The following ECE1 variants were observed in gnomAD, a reference collection of about 807,000 sequenced individuals.
The protein encoded by ECE1 is endothelin converting enzyme 1.
Under a neutral mutation model 98.6 loss-of-function variants are expected in ECE1, and 35 were observed. The observed-to-expected ratio is 0.35, with a 90% CI of 0.27 to 0.47. The LOEUF (loss-of-function observed/expected upper bound fraction) is 0.47. Among genes scored for constraint, ECE1 ranks in the 20% least tolerant of loss-of-function variants. The probability of loss-of-function intolerance (pLI) is 1.00; values close to 1 mark genes in which losing one functional copy is unlikely to be tolerated. For missense variants in ECE1, 814 were observed against 1,025.3 expected, an observed-to-expected ratio of 0.79 and a Z score of 2.81; for synonymous variants, 394 against 407.1, an observed-to-expected ratio of 0.97 and a Z score of 0.39.
intron 1 of ECE1, among the ~76,000 whole-genome samples, chr1:21,337,761 G>A (rs1044002768): frequency 6.6e-6 from 1 of 152,126 alleles, no homozygotes; most frequent in African/African-American, 2.4e-5. Context: ...TTAGAGACAG[G>A]AGAATAAAGC....
intron 1 of ECE1, among the ~76,000 whole-genome samples, chr1:21,332,206 G>A (rs917264895): frequency 6.6e-6 from 1 of 152,082 alleles, no homozygotes; most frequent in Non-Finnish European, 1.5e-5. Context: ...CTGCTTCACT[G>A]GGAAGGCAAC....
chr1:21,286,182 T>C (rs573043642), intron 2 of ECE1, among the ~76,000 whole-genome samples: 2 of 152,334 alleles, frequency 1.3e-5, no homozygotes, highest in East Asian at 3.9e-4. Context: ...CAGTTCAGGC[T>C]GCAGGTGTAA....
At chr1:21,230,144 G>A (rs2103223803) in intron 14 of ECE1, among the ~76,000 whole-genome samples, 1 of 152,220 alleles carries the variant, frequency 6.6e-6, no homozygotes, top group African/African-American at 2.4e-5. Context: ...TGAGGCTGCA[G>A]TGAGCTGAGA....
intron 1 of ECE1, chr1:21,298,559 A>G (rs1638419387): frequency 2.8e-6 from 1 of 357,476 alleles, no homozygotes; most frequent in Non-Finnish European, 5.6e-6. Flanking sequence ...GCCTCAGCCC[A>G]GTGCCTAGCA....
intron 4 of ECE1, among the ~76,000 whole-genome samples, chr1:21,262,230 G>A (rs1004436217): frequency 2.0e-5 from 3 of 152,136 alleles, no homozygotes; most frequent in African/African-American, 7.2e-5. Flanking sequence ...GGCTATGGAG[G>A]GTTCGTACAG....
intron 11 of ECE1, 85 bp downstream of exon 11, chr1:21,238,049 G>A: frequency 7.9e-7 from 1 of 1,261,526 alleles, no homozygotes; most frequent in South Asian, 1.2e-5. Context: ...AAAGGCCCAG[G>A]GTGGGCTGGA....
intron 4 of ECE1, among the ~76,000 whole-genome samples, chr1:21,268,704 G>A (rs556431422): frequency 4.4e-4 from 67 of 152,274 alleles, no homozygotes; most frequent in African/African-American, 1.5e-3. Flanking sequence ...GCTTGTTCCC[G>A]TGCCCATCAG....
chr1:21,308,288 C>T (rs959056751), intron 1 of ECE1, among the ~76,000 whole-genome samples: 10 of 152,208 alleles, frequency 6.6e-5, no homozygotes, highest in African/African-American at 2.4e-4. Flanking sequence ...CTCATACACC[C>T]TGCTAGGGCC....
At chr1:21,342,892 TCAA>T (rs1488271839) in intron 1 of ECE1, among the ~76,000 whole-genome samples, 1 of 152,132 alleles carries the variant, frequency 6.6e-6, no homozygotes, top group Non-Finnish European at 1.5e-5. Context: ...GCACCGCCGG[TCAA>T]CAATCCACCG....
rs575925578 is a variant in ECE1 at position 21,290,097 on chromosome 1, C to A, written c.111G>T (p.Glu37Asp). The A allele has an allele frequency of 1.3e-6, 2 of 1,549,774 alleles. No individual in the cohort carries two copies. The highest frequency in any genetic ancestry group is 1.7e-6 in the Non-Finnish European group (2 of 1,148,720). The change falls in exon 2 of 19, where the codon GAG (glutamate) becomes GAT (aspartate). Residue 37 changes from glutamate to aspartate, a missense_variant. Coordinates refer to ENST00000374893, the MANE Select transcript of ECE1 (RefSeq NM_001397.3). This position sits in a 1 kb window ranked among gnomAD's most constrained non-coding sequence, Gnocchi z 7.3. ...GCAGGCCGTTGGGGTATGCGTCGCC[C>A]TCGGAGAGCGAGTCCACCAGGTCCT... ...DEEDLVDSLS[E>D]GDAYPNGLQV...
At chr1:21,315,094 A>T (rs572554641) in intron 1 of ECE1, among the ~76,000 whole-genome samples, 3 of 152,342 alleles carry the variant, frequency 2.0e-5, no homozygotes, top group Admixed American at 1.3e-4. Context: ...TAAGACTGTC[A>T]CACTCATTAA....
intron 1 of ECE1, among the ~76,000 whole-genome samples, chr1:21,325,222 C>T (rs923851748): frequency 2.0e-5 from 3 of 152,178 alleles, no homozygotes; most frequent in Admixed American, 6.5e-5. Context: ...AACCTGGTAC[C>T]TGATGGCTTG....
intron 1 of ECE1, among the ~76,000 whole-genome samples, chr1:21,337,663 G>A (rs985429480): frequency 1.3e-5 from 2 of 152,230 alleles, no homozygotes; most frequent in African/African-American, 4.8e-5. Context: ...TCCTCTGTAT[G>A]TGCCAGCCCT....
chr1:21,228,130 A>AT (rs2098176875), intron 14 of ECE1, 89 bp from the exon 15 acceptor site: 1 of 1,021,964 alleles, frequency 9.8e-7, no homozygotes, highest in South Asian at 1.5e-5. Context: ...GGGATCGGGA[A>AT]TAAGGGCATT....
chr1:21,225,107 C>A lies in ECE1; in HGVS notation c.2040+143G>T. The stretch of plus-strand genomic sequence containing the variant: ...CGGTCGGCATCGCGATTGGTCCTCG[C>A]CACCCCCAATTTCGCAGAAGAGGAA... On this transcript the variant is annotated intron_variant, in intron 17 of 18. Coordinates refer to ENST00000374893, the MANE Select transcript of ECE1 (RefSeq NM_001397.3). The surrounding 1 kb of genome is among the most constrained non-coding windows in gnomAD (Gnocchi z 5.3). 2 of 1,132,188 alleles carry A rather than the reference C, an allele frequency of 1.8e-6. No homozygotes were observed. The highest frequency in any genetic ancestry group is 2.5e-6 in the Non-Finnish European group (2 of 797,252). The allele number at this position is 1,132,188 out of a possible 1,614,324, so 70.1% of individuals were successfully genotyped here.
intron 1 of ECE1, among the ~76,000 whole-genome samples, chr1:21,338,168 G>T (rs1298155937): frequency 6.6e-6 from 1 of 152,174 alleles, no homozygotes. Flanking sequence ...CTGGGGGTGT[G>T]TGTGGTATTG....
chr1:21,245,376 GCT>G (rs918147796), intron 9 of ECE1, among the ~76,000 whole-genome samples: 5 of 152,018 alleles, frequency 3.3e-5, no homozygotes, highest in African/African-American at 9.7e-5. Context: ...TTGCCTAGCT[GCT>G]CTGTGTCTGG....
intron 4 of ECE1, among the ~76,000 whole-genome samples, chr1:21,269,895 C>T (rs1331900488): frequency 2.6e-5 from 4 of 152,194 alleles, no homozygotes; most frequent in African/African-American, 9.7e-5. Context: ...GCCTCGGGGT[C>T]AGGGTTGAAT....
At chr1:21,289,810 C>T (rs1423595551) in intron 2 of ECE1, among the ~76,000 whole-genome samples, 1 of 152,092 alleles carries the variant, frequency 6.6e-6, no homozygotes, top group African/African-American at 2.4e-5. Flanking sequence ...ACTCTGCCAC[C>T]TGGGCTGTGG....
Sources: allele counts gnomAD v4.1 joint callset (sites outside exome capture counted in the v4.1 genomes callset), GRCh38; gene constraint gnomAD v4.1.1; non-coding constraint Gnocchi (gnomAD v3.1); transcripts MANE v1.5; gene names NCBI Gene and HGNC (gene_info 2026-07-23, HGNC 2026-07-21).